Variants in PDS5B observed in about 807,000 individuals in gnomAD.
The protein encoded by PDS5B is sister chromatid cohesion protein PDS5 homolog B.
Under a neutral mutation model 184.1 loss-of-function variants are expected in PDS5B, and 51 were observed. The ratio of observed to expected loss-of-function variants is 0.28; its 90% CI spans 0.22 to 0.35. The LOEUF is 0.35. Among genes scored for constraint, PDS5B ranks in the 10% least tolerant of loss-of-function variants. The probability of loss-of-function intolerance (pLI) is 1.00; values close to 1 mark genes in which losing one functional copy is unlikely to be tolerated. For missense variants in PDS5B, 1,180 were observed against 1,723.3 expected, an observed-to-expected ratio of 0.68 and a Z score of 5.58; for synonymous variants, 566 against 569.2, an observed-to-expected ratio of 0.99 and a Z score of 0.08.
chr13:32,683,315 ATTTTTT>A (rs529817272), intron 10 of PDS5B, among the ~76,000 whole-genome samples: 3 of 119,916 alleles, frequency 2.5e-5, no homozygotes, highest in Admixed American at 8.5e-5. Flanking sequence ...GGCCTTTAAA[ATTTTTT>A]TTTTTTTTTT....
intron 1 of PDS5B, among the ~76,000 whole-genome samples, chr13:32,616,301 C>A (rs1020227075): frequency 1.3e-5 from 2 of 152,076 alleles, no homozygotes; most frequent in East Asian, 1.9e-4. Context: ...GTGATCCACC[C>A]GCCTTGGCCT....
intron 17 of PDS5B, among the ~76,000 whole-genome samples, chr13:32,703,238 TAGAC>T (rs764713116): frequency 5.3e-5 from 8 of 152,254 alleles, no homozygotes; most frequent in Non-Finnish European, 8.8e-5. Flanking sequence ...AAAAAGATCA[TAGAC>T]AGAACTTTGG....
At chr13:32,741,245 G>T in intron 22 of PDS5B, 97 bp downstream of exon 22, 1 of 679,210 alleles carries the variant, frequency 1.5e-6, no homozygotes, top group South Asian at 2.0e-5. Flanking sequence ...AGATATTAAA[G>T]TCACTCAAGT....
chr13:32,717,955 A>G (rs1005323504), intron 19 of PDS5B, among the ~76,000 whole-genome samples: 2 of 118,564 alleles, frequency 1.7e-5, no homozygotes, highest in East Asian at 2.8e-4. Flanking sequence ...TGATTTTTGT[A>G]TAAGCAAGAT....
At chr13:32,693,250 T>A (rs1376944860) in intron 13 of PDS5B, among the ~76,000 whole-genome samples, 1 of 151,998 alleles carries the variant, frequency 6.6e-6, no homozygotes, top group Non-Finnish European at 1.5e-5. Flanking sequence ...ATTAGTAAAG[T>A]ATAGCTATTT....
rs1192832047 is a variant in PDS5B, at chr13:32,777,198, T to G, written c.*2146T>G. On this transcript the variant is annotated 3_prime_UTR_variant, in exon 35 of 35. Coordinates refer to ENST00000315596, the MANE Select transcript of PDS5B (RefSeq NM_015032.4). Reference sequence around the variant, plus strand: ...TTTGCATGATTATAGTTAAGCAAATTTCATTTCACATTTTTGTAATGCTGT... The same window carrying G: ...TTTGCATGATTATAGTTAAGCAAATGTCATTTCACATTTTTGTAATGCTGT... 1 of 152,042 alleles carries G rather than the reference T, an allele frequency of 6.6e-6. No homozygotes were observed. The highest frequency in any genetic ancestry group is 1.9e-4 in the East Asian group (1 of 5,208). The allele number at this position is 152,042 out of a possible 1,614,324, so 9.4% of individuals were successfully genotyped here.
chr13:32,696,001 C>T (rs529259968), intron 14 of PDS5B, among the ~76,000 whole-genome samples: 1 of 152,120 alleles, frequency 6.6e-6, no homozygotes, highest in Admixed American at 6.5e-5. Context: ...GCTTTGTTCC[C>T]CCCAAATAAA....
At chr13:32,594,745 A>G (rs1307759253) in intron 1 of PDS5B, among the ~76,000 whole-genome samples, 1 of 152,182 alleles carries the variant, frequency 6.6e-6, no homozygotes, top group African/African-American at 2.4e-5. Flanking sequence ...TGCCTCTGGA[A>G]GCTATTCCTA....
chr13:32,714,880 G>T (rs980325236), intron 19 of PDS5B, among the ~76,000 whole-genome samples: 12 of 152,172 alleles, frequency 7.9e-5, no homozygotes, highest in African/African-American at 2.2e-4. Flanking sequence ...AGGATTAAGA[G>T]ATTAAAGTAA....
intron 31 of PDS5B, among the ~76,000 whole-genome samples, chr13:32,769,215 A>G (rs1460415043): frequency 6.6e-6 from 1 of 152,016 alleles, no homozygotes; most frequent in Non-Finnish European, 1.5e-5. Context: ...TATAGAGAAA[A>G]CCCACTAACA....
At chr13:32,611,503 C>CTTTT (rs35825698) in intron 1 of PDS5B, among the ~76,000 whole-genome samples, 3 of 110,900 alleles carry the variant, frequency 2.7e-5, no homozygotes, top group East Asian at 2.5e-4. Flanking sequence ...TTGGTTAAAA[C>CTTTT]TTTTTTTTTT....
chr13:32,769,258 A>G (rs1954695540), intron 31 of PDS5B, among the ~76,000 whole-genome samples: 1 of 152,232 alleles, frequency 6.6e-6, no homozygotes, highest in Non-Finnish European at 1.5e-5. Context: ...AGGACACAAT[A>G]CGAAGGATGT....
At chr13:32,667,660 C>A (rs753199939) in intron 6 of PDS5B, 104 bp from the exon 7 acceptor site, 1 of 670,776 alleles carries the variant, frequency 1.5e-6, no homozygotes, top group South Asian at 2.1e-5. Flanking sequence ...CCAATTGAGT[C>A]TTAGTTTTTT....
Position 32,687,331 on chromosome 13 carries a change from T to A in PDS5B, c.1355+46T>A, listed in dbSNP as rs747323761. On this transcript the variant is annotated intron_variant, in intron 12 of 34. Transcript: ENST00000315596. ...ATATTTGGTGACTTTGAATGTTATA[T>A]AACTTGATTTATTGTTTTATGCAAA... 2.2e-6 allele frequency: 3 copies of A among 1,359,906 alleles called. No individual in the cohort carries two copies. In the East Asian group the frequency reaches 7.3e-5, roughly 33 times the overall value. 84.2% of individuals were successfully genotyped at this position (1,359,906 alleles called of 1,614,324 possible).
intron 17 of PDS5B, among the ~76,000 whole-genome samples, chr13:32,705,115 T>A (rs1951970144): frequency 6.6e-6 from 1 of 152,190 alleles, no homozygotes; most frequent in Non-Finnish European, 1.5e-5. Context: ...GAACTTTTCT[T>A]CTTGTTGTGG....
At chr13:32,689,732 T>G (rs759019816) in intron 13 of PDS5B, 5 of 152,192 alleles carry the variant, frequency 3.3e-5, no homozygotes, top group Non-Finnish European at 7.3e-5. Context: ...TACATTACTC[T>G]CATATTTACT....
intron 13 of PDS5B, chr13:32,691,202 T>G (rs1370973645): frequency 6.6e-6 from 1 of 152,088 alleles, no homozygotes; most frequent in African/African-American, 2.4e-5. Flanking sequence ...TGTGTATATA[T>G]GTGTATCCCT....
intron 1 of PDS5B, among the ~76,000 whole-genome samples, chr13:32,603,575 G>A (rs1334826613): frequency 2.0e-5 from 3 of 152,188 alleles, no homozygotes; most frequent in Non-Finnish European, 4.4e-5. Context: ...TCTTGGCAAT[G>A]TGGGCTGTTT....
intron 23 of PDS5B, among the ~76,000 whole-genome samples, chr13:32,744,724 A>G (rs1953684324): frequency 6.6e-6 from 1 of 152,116 alleles, no homozygotes; most frequent in African/African-American, 2.4e-5. Context: ...TACTTGGAAT[A>G]TTGTTGTTGA....
Sources: allele counts gnomAD v4.1 joint callset (sites outside exome capture counted in the v4.1 genomes callset), GRCh38; gene constraint gnomAD v4.1.1; transcripts MANE v1.5; gene names NCBI Gene and HGNC (gene_info 2026-07-23, HGNC 2026-07-21).